ECH1: variants seen among roughly 807,000 people sequenced by gnomAD.
ECH1 encodes enoyl-CoA hydratase 1.
ECH1 carries 30 observed loss-of-function variants against 37.0 expected under a neutral mutation model. The ratio of observed to expected loss-of-function variants is 0.81; its 90% CI spans 0.61 to 1.10. The LOEUF (loss-of-function observed/expected upper bound fraction) is 1.10, where lower values mean the gene tolerates loss of function less well. Ranked by LOEUF, ECH1 falls within the 50% of genes least tolerant of loss-of-function variation. The probability of loss-of-function intolerance (pLI) is 0.00; values close to 1 mark genes in which losing one functional copy is unlikely to be tolerated. For missense variants in ECH1, 456 were observed against 441.6 expected (o/e 1.03, Z -0.29); for synonymous variants, 178 against 176.0 (o/e 1.01, Z -0.09).
chr19:38,829,610 G>A (rs936922595), intron 3 of ECH1, among the ~76,000 whole-genome samples: 1 of 152,112 alleles, frequency 6.6e-6, no homozygotes, highest in African/African-American at 2.4e-5. Context: ...GAGGTCAGGA[G>A]ATCGAGACCA....
At chr19:38,822,717 G>T (rs1971681817) in intron 3 of ECH1, among the ~76,000 whole-genome samples, 1 of 152,152 alleles carries the variant, frequency 6.6e-6, no homozygotes, top group South Asian at 2.1e-4. Context: ...TCAGCACCCT[G>T]TCAAAATGGA....
chr19:38,816,262 G>A (rs772227868), intron 8 of ECH1, 22 bp downstream of exon 8: 3 of 1,611,642 alleles, frequency 1.9e-6, no homozygotes, highest in Admixed American at 1.7e-5. Context: ...CCAGCACTGA[G>A]CTACCACGGC....
At chr19:38,825,914 C>T (rs1229522627) in intron 3 of ECH1, among the ~76,000 whole-genome samples, 3 of 152,296 alleles carry the variant, frequency 2.0e-5, no homozygotes, top group South Asian at 2.1e-4. Context: ...CCGGGGCAAG[C>T]GCCAGCTCAT....
intron 6 of ECH1, 82 bp downstream of exon 6, chr19:38,816,983 T>A (rs958651707): frequency 1.4e-6 from 2 of 1,460,016 alleles, no homozygotes; most frequent in Admixed American, 4.0e-5. Flanking sequence ...GACTCTTCCA[T>A]GAAGCCCTCG....
chr19:38,827,373 C>T (rs975791063), intron 3 of ECH1, among the ~76,000 whole-genome samples: 6 of 152,090 alleles, frequency 3.9e-5, no homozygotes, highest in Admixed American at 1.3e-4. Context: ...CAACTACATA[C>T]GCTGGCTGGA....
intron 3 of ECH1, 98 bp downstream of exon 3, chr19:38,830,980 G>A: frequency 2.9e-6 from 3 of 1,033,974 alleles, no homozygotes; most frequent in Non-Finnish European, 4.3e-6. Context: ...AAGTGTGTAA[G>A]TCAGAAGCTG....
intron 3 of ECH1, among the ~76,000 whole-genome samples, chr19:38,823,881 C>A (rs755932451): frequency 6.6e-6 from 1 of 152,158 alleles, no homozygotes; most frequent in Non-Finnish European, 1.5e-5. Flanking sequence ...TTTCTAGTTT[C>A]TCCTATAAGA....
rs1471007666 is a variant in ECH1 at position 38,816,022 on chromosome 19, A to G, written c.732-15T>C. The stretch of plus-strand genomic sequence containing the variant: ...GGAACACCCGGCTGCAGTGAAAGAG[A>G]TCAGGGACCGGGTGGGCTGGGAAGG... On this transcript the variant is annotated splice_polypyrimidine_tract_variant and intron_variant, in intron 8 of 9. Coordinates refer to ENST00000221418, the MANE Select transcript of ECH1 (RefSeq NM_001398.3). The G allele has an allele frequency of 1.2e-6, 2 of 1,611,824 alleles. No homozygotes were observed. Among genetic ancestry groups the G allele is most frequent in the Admixed American group, 3.3e-5 (2 of 59,974 alleles).
intron 8 of ECH1, 29 bp from the exon 9 acceptor site, chr19:38,816,036 G>T: frequency 6.2e-7 from 1 of 1,610,024 alleles, no homozygotes. Context: ...GGGACCGGGT[G>T]GGCTGGGAAG....
At chr19:38,815,793 CTGCACCCTGGT>C in intron 9 of ECH1, 53 bp downstream of exon 9, 1 of 1,613,218 alleles carries the variant, frequency 6.2e-7, no homozygotes, top group East Asian at 2.2e-5. Context: ...TGAGAGCACC[CTGCACCCTGGT>C]TGGTCGCCTG....
intron 3 of ECH1, among the ~76,000 whole-genome samples, chr19:38,830,650 C>CA (rs55649550): frequency 0.12 from 9,000 of 75,118 alleles, 481 homozygotes; most frequent in African/African-American, 0.24. Context: ...ATATTGTCTC[C>CA]AAAAAAAAAA....
At chr19:38,818,623 G>C (rs993664923) in intron 3 of ECH1, among the ~76,000 whole-genome samples, 3 of 152,092 alleles carry the variant, frequency 2.0e-5, no homozygotes, top group Admixed American at 2.0e-4. Flanking sequence ...AAGTAGCTGG[G>C]ATTACAGGCG....
chr19:38,825,400 C>T (rs2145382482), intron 3 of ECH1, among the ~76,000 whole-genome samples: 1 of 152,350 alleles, frequency 6.6e-6, no homozygotes, highest in East Asian at 1.9e-4. Context: ...CTTCCTCGAG[C>T]AGCTATAGGA....
chr19:38,822,756 T>C (rs112689990), intron 3 of ECH1, among the ~76,000 whole-genome samples: 1 of 152,218 alleles, frequency 6.6e-6, no homozygotes, highest in African/African-American at 2.4e-5. Flanking sequence ...AACAGACCAA[T>C]CAGCTCTCTG....
chr19:38,818,510 CAG>C (rs1312150740), intron 3 of ECH1: 5 of 521,392 alleles, frequency 9.6e-6, no homozygotes, highest in Non-Finnish European at 9.8e-6. Context: ...TTATTTCAGA[CAG>C]AGTCTCGCTC....
chr19:38,821,096 T>C (rs183828951), intron 3 of ECH1, among the ~76,000 whole-genome samples: 2 of 151,972 alleles, frequency 1.3e-5, no homozygotes, highest in African/African-American at 4.8e-5. Context: ...CTGGGCAACA[T>C]AGCAAGCCCT....
intron 3 of ECH1, chr19:38,819,365 G>A (rs1971628470): frequency 2.7e-6 from 1 of 369,584 alleles, no homozygotes; most frequent in African/African-American, 2.2e-5. Context: ...TCCTAGAGAG[G>A]CCCTCCCTGG....
intron 3 of ECH1, among the ~76,000 whole-genome samples, chr19:38,818,765 C>T (rs922463137): frequency 3.9e-5 from 6 of 152,164 alleles, no homozygotes; most frequent in Non-Finnish European, 8.8e-5. Context: ...GGATTACAGG[C>T]GTGAGCCACC....
chr19:38,818,649 G>A (rs1013607462), intron 3 of ECH1, among the ~76,000 whole-genome samples: 13 of 151,912 alleles, frequency 8.6e-5, no homozygotes, highest in Non-Finnish European at 1.3e-4. Flanking sequence ...CACCATGCCC[G>A]GCTAATTTTT....
Sources: gnomAD v4.1 joint callset for allele counts (sites outside exome capture counted in the v4.1 genomes callset) on GRCh38, gnomAD v4.1.1 for gene constraint, MANE v1.5 for transcripts, NCBI Gene and HGNC (gene_info 2026-07-23, HGNC 2026-07-21) for gene names.